PTPRJ: variants seen among roughly 807,000 people sequenced by gnomAD.
PTPRJ encodes receptor-type tyrosine-protein phosphatase eta.
In PTPRJ, 129 loss-of-function variants were observed where a neutral mutation model predicts 141.3. The ratio of observed to expected loss-of-function variants is 0.91; its 90% CI spans 0.79 to 1.06. PTPRJ has a LOEUF of 1.06. Ranked by LOEUF, PTPRJ falls within the 50% of genes least tolerant of loss-of-function variation. The pLI is 0.00. For synonymous variants in PTPRJ, 610 were observed against 640.5 expected (o/e 0.95, Z 0.72); for missense variants, 1,601 against 1,679.7 (o/e 0.95, Z 0.82).
In PTPRJ at chr11:48,073,291, G is replaced by T. The variant is rs1177197055; in HGVS notation, c.97-36767G>T. On this transcript the variant is annotated intron_variant, in intron 1 of 24. Coordinates refer to ENST00000418331, the MANE Select transcript of PTPRJ (RefSeq NM_002843.4). ...TGGCAGTCTCTATTCTAAAATGTGG[G>T]CATCCCACATGAGGTCCAGCTTCTC... 2.0e-5 allele frequency among the ~76,000 whole-genome samples: 3 copies of T among 152,218 alleles called. No individual in the cohort carries two copies. In the East Asian group the frequency reaches 5.8e-4, roughly 29 times the overall value.
intron 8 of PTPRJ, among the ~76,000 whole-genome samples, chr11:48,132,962 G>C (rs17727725): frequency 0.029 from 4,450 of 152,288 alleles, 94 homozygotes; most frequent in Non-Finnish European, 0.045. Context: ...GTCTTTTAAG[G>C]ATGTGGATAA....
intron 1 of PTPRJ, among the ~76,000 whole-genome samples, chr11:48,055,011 C>G (rs1229007894): frequency 6.6e-6 from 1 of 151,886 alleles, no homozygotes; most frequent in South Asian, 2.1e-4. Context: ...CATGGTGAAA[C>G]CCTGTCTCTA....
intron 1 of PTPRJ, among the ~76,000 whole-genome samples, chr11:48,086,746 T>A (rs1319828955): frequency 6.6e-6 from 1 of 152,234 alleles, no homozygotes; most frequent in African/African-American, 2.4e-5. Flanking sequence ...ACTGTGTGTG[T>A]GTGTGTTTTA....
intron 7 of PTPRJ, among the ~76,000 whole-genome samples, chr11:48,130,117 G>T (rs1450189989): frequency 1.3e-5 from 2 of 150,708 alleles, no homozygotes; most frequent in African/African-American, 2.4e-5. Context: ...AGAGGCTCTG[G>T]GAGGCTAGTA....
chr11:48,130,379 C>G (rs1856943699), intron 7 of PTPRJ, 80 bp from the exon 8 acceptor site: 1 of 1,386,334 alleles, frequency 7.2e-7, no homozygotes, highest in South Asian at 1.4e-5. Context: ...TACATTTCAT[C>G]TCAGTATTTT....
intron 14 of PTPRJ, among the ~76,000 whole-genome samples, chr11:48,146,398 C>A (rs1311613749): frequency 6.6e-6 from 1 of 152,146 alleles, no homozygotes; most frequent in Non-Finnish European, 1.5e-5. Flanking sequence ...TTGTTGGGCG[C>A]AGGAAAGAAT....
intron 1 of PTPRJ, among the ~76,000 whole-genome samples, chr11:48,080,425 G>T (rs1855528136): frequency 6.6e-6 from 1 of 152,162 alleles, no homozygotes; most frequent in South Asian, 2.1e-4. Context: ...CTGTGATCGG[G>T]TAACTCAAGA....
At chr11:48,098,326 A>T (rs772344311) in intron 1 of PTPRJ, among the ~76,000 whole-genome samples, 1 of 152,136 alleles carries the variant, frequency 6.6e-6, no homozygotes, top group African/African-American at 2.4e-5. Flanking sequence ...AACAGTTTCT[A>T]CTGTAACTAG....
intron 1 of PTPRJ, among the ~76,000 whole-genome samples, chr11:48,100,596 A>G (rs555649447): frequency 6.6e-6 from 1 of 152,286 alleles, no homozygotes; most frequent in South Asian, 2.1e-4. Flanking sequence ...ATTTTCTCTT[A>G]GTTATGAAAA....
rs1856770081 is a variant in PTPRJ, at chr11:48,123,827, A to C, written c.831A>C (p.Ser277=). Residue 277 remains serine, a synonymous_variant, in exon 5 of 25, where the codon TCA becomes TCC. Transcript: ENST00000418331. ...QYNINPYLLQ[S]NKTKGDPLGT... is the part of the protein sequence containing the mutation. ...ACATCAACCCGTATCTTCTACAATC[A>C]AATAAGACAAAGGGAGACCCCTTGG... 6.2e-7 allele frequency: 1 copy of C among 1,614,096 alleles called. No homozygotes were observed. The highest frequency in any genetic ancestry group is 8.5e-7 in the Non-Finnish European group (1 of 1,179,984).
intron 1 of PTPRJ, among the ~76,000 whole-genome samples, chr11:48,006,700 C>A (rs1854632908): frequency 6.6e-6 from 1 of 152,176 alleles, no homozygotes; most frequent in Non-Finnish European, 1.5e-5. Context: ...TTAAAGGTCA[C>A]CCAGTGTCCT....
chr11:48,006,969 G>A (rs947589142), intron 1 of PTPRJ, among the ~76,000 whole-genome samples: 1 of 152,070 alleles, frequency 6.6e-6, no homozygotes, highest in Non-Finnish European at 1.5e-5. Context: ...ATATGATAAA[G>A]GTTAGATGAT....
intron 1 of PTPRJ, among the ~76,000 whole-genome samples, chr11:48,000,098 ATC>A (rs1294791114): frequency 2.1e-5 from 3 of 145,152 alleles, no homozygotes; most frequent in African/African-American, 7.8e-5. Context: ...ACCTCAGCTG[ATC>A]TGCCTGCCTT....
intron 1 of PTPRJ, among the ~76,000 whole-genome samples, chr11:48,005,212 ACT>A (rs1451710614): frequency 2.0e-5 from 3 of 150,630 alleles, no homozygotes; most frequent in African/African-American, 4.9e-5. Flanking sequence ...ACAGAGTGAG[ACT>A]CTATCTTAAA....
intron 1 of PTPRJ, among the ~76,000 whole-genome samples, chr11:48,016,615 C>T (rs536459900): frequency 1.3e-5 from 2 of 152,216 alleles, no homozygotes; most frequent in African/African-American, 2.4e-5. Flanking sequence ...GAGCCTCAGC[C>T]GCCTCATCTT....
intron 1 of PTPRJ, among the ~76,000 whole-genome samples, chr11:47,981,345 AGCCGGAGGCG>A (rs951074847): frequency 3.3e-5 from 5 of 151,824 alleles, no homozygotes; most frequent in Admixed American, 6.5e-5. Flanking sequence ...CCGGCTTCCT[AGCCGGAGGCG>A]GCCGGAGGGG....
chr11:48,089,333 A>G (rs1855799697), intron 1 of PTPRJ, among the ~76,000 whole-genome samples: 2 of 152,110 alleles, frequency 1.3e-5, no homozygotes, highest in South Asian at 2.1e-4. Context: ...CCCGGGGAAC[A>G]TGGTGAAGCC....
intron 1 of PTPRJ, among the ~76,000 whole-genome samples, chr11:48,008,509 C>T (rs1209764111): frequency 2.6e-5 from 4 of 152,104 alleles, no homozygotes; most frequent in South Asian, 4.1e-4. Context: ...CCAACTGCCT[C>T]GGCCTCCCAA....
In PTPRJ at chr11:47,980,968, G is replaced by GGGCGCT; in HGVS notation, c.58_63dup (p.Ala20_Leu21dup). On this transcript the variant is annotated inframe_insertion, in exon 1 of 25. Coordinates refer to ENST00000418331, the MANE Select transcript of PTPRJ (RefSeq NM_002843.4). The stretch of plus-strand genomic sequence containing the variant: ...CCTCCGCGCTCGCCCGGGCTGCGCT[G>GGGCGCT]GGCGCTGCCGCTGCTGCTGCTGCTG... 2 of 1,211,572 alleles carry GGGCGCT rather than the reference G, an allele frequency of 1.7e-6. No individual in the cohort carries two copies. Among genetic ancestry groups the GGGCGCT allele is most frequent in the Non-Finnish European group, 2.1e-6 (2 of 975,198 alleles). The allele number at this position is 1,211,572 out of a possible 1,614,324, so 75.1% of individuals were successfully genotyped here.
Sources: gnomAD v4.1 joint callset for allele counts (sites outside exome capture counted in the v4.1 genomes callset) on GRCh38, gnomAD v4.1.1 for gene constraint, MANE v1.5 for transcripts, NCBI Gene and HGNC (gene_info 2026-07-23, HGNC 2026-07-21) for gene names.